The following CNBD1 variants were observed in gnomAD, a reference collection of about 807,000 sequenced individuals.
CNBD1 encodes cyclic nucleotide binding domain containing 1, also known as cyclic nucleotide-binding domain-containing protein 1.
In CNBD1, 71 loss-of-function variants were observed where a neutral mutation model predicts 54.4. The ratio of observed to expected loss-of-function variants is 1.30; its 90% CI spans 1.08 to 1.59. The LOEUF is 1.59. Among genes scored for constraint, CNBD1 ranks in the 40% most tolerant of loss-of-function variants. CNBD1 has a pLI of 0.00. For synonymous variants in CNBD1, 182 were observed against 170.7 expected (o/e 1.07, Z -0.51); for missense variants, 659 against 518.0 (o/e 1.27, Z -2.64).
chr8:87,244,270 T>G (rs192879611), intron 6 of CNBD1, among the ~76,000 whole-genome samples: 13 of 152,232 alleles, frequency 8.5e-5, no homozygotes, highest in African/African-American at 2.4e-4. Flanking sequence ...TGATAAACCT[T>G]TCCAAAGGTG....
At position 87,153,868 on chromosome 8, in the gene CNBD1, A is replaced by G. The variant is rs539733752; in HGVS notation, c.432-52125A>G. 1.4e-4 allele frequency among the ~76,000 whole-genome samples: 22 copies of G among 152,346 alleles called. 1 individual carries two copies. The South Asian group carries it at 4.6e-3, about 32-fold the overall frequency. ...TTGGGAGACCGTAGAACAAAAGTGC[A>G]TGAAAAATAAGTAAGGTGGTTAAGT... On this transcript the variant is annotated intron_variant, in intron 4 of 10. Transcript: ENST00000518476.
In CNBD1 at chr8:86,908,914, C is replaced by T. The variant is rs558807833; in HGVS notation, c.272+3720C>T. 8.5e-4 allele frequency among the ~76,000 whole-genome samples: 129 copies of T among 151,822 alleles called. 3 individuals carry two copies. Among genetic ancestry groups the T allele is most frequent in the Admixed American group, 1.5e-3 (23 of 15,206 alleles). On this transcript the variant is annotated intron_variant, in intron 3 of 10. Coordinates refer to ENST00000518476, the MANE Select transcript of CNBD1 (RefSeq NM_173538.3). ...CTGGGACTACAGGCACCCGCCACTA[C>T]GCCCAGCTAATTTTTGTATTTTTAG...
At chr8:87,011,263 A>G (rs1809215961) in intron 4 of CNBD1, among the ~76,000 whole-genome samples, 1 of 149,144 alleles carries the variant, frequency 6.7e-6, no homozygotes, top group African/African-American at 2.5e-5. Flanking sequence ...CTTAGATTGT[A>G]TCCTCTTAGG....
intron 8 of CNBD1, among the ~76,000 whole-genome samples, chr8:87,305,543 G>A (rs140320256): frequency 1.3e-5 from 2 of 152,026 alleles, no homozygotes. Context: ...GCATGGGATT[G>A]GTATAAAAAT....
intron 1 of CNBD1, among the ~76,000 whole-genome samples, chr8:86,876,182 TTTG>T (rs1554627001): frequency 1.7e-5 from 1 of 58,866 alleles, no homozygotes; most frequent in Non-Finnish European, 3.0e-5. Flanking sequence ...TGTGTGTGTG[TTTG>T]TGTGTGTGTG....
chr8:87,292,901 G>T (rs1255957738), intron 8 of CNBD1, among the ~76,000 whole-genome samples: 1 of 152,064 alleles, frequency 6.6e-6, no homozygotes, highest in Non-Finnish European at 1.5e-5. Flanking sequence ...GCTCTGTGTT[G>T]TGAGTGGGCA....
At chr8:87,126,651 A>G (rs997410810) in intron 4 of CNBD1, among the ~76,000 whole-genome samples, 2 of 151,934 alleles carry the variant, frequency 1.3e-5, no homozygotes, top group African/African-American at 4.8e-5. Flanking sequence ...TTAAATTTTG[A>G]TGAAGTTTAA....
chr8:87,038,859 A>T (rs1197964009), intron 4 of CNBD1, among the ~76,000 whole-genome samples: 1 of 152,102 alleles, frequency 6.6e-6, no homozygotes, highest in South Asian at 2.1e-4. Context: ...CACTGTTGTA[A>T]TTTTTGCAAA....
chr8:87,241,841 G>A (rs780014755), intron 6 of CNBD1, among the ~76,000 whole-genome samples: 14 of 152,102 alleles, frequency 9.2e-5, no homozygotes, highest in Non-Finnish European at 1.9e-4. Flanking sequence ...GGTAAGATAA[G>A]AAAAGGCAAT....
At chr8:87,240,099 C>G (rs1047194369) in intron 6 of CNBD1, among the ~76,000 whole-genome samples, 1 of 131,662 alleles carries the variant, frequency 7.6e-6, no homozygotes, top group Non-Finnish European at 1.8e-5. Flanking sequence ...CACACACACA[C>G]ACACAGACAC....
chr8:87,116,953 T>A (rs1356247348), intron 4 of CNBD1, among the ~76,000 whole-genome samples: 1 of 152,230 alleles, frequency 6.6e-6, no homozygotes, highest in Non-Finnish European at 1.5e-5. Context: ...TTACTCTTTC[T>A]GTTTTTCTTA....
chr8:87,056,796 A>T (rs1296947697), intron 4 of CNBD1, among the ~76,000 whole-genome samples: 1 of 152,194 alleles, frequency 6.6e-6, no homozygotes, highest in African/African-American at 2.4e-5. Flanking sequence ...ATTAAAATAT[A>T]TAAAATTTGA....
At position 87,182,428 on chromosome 8, in the gene CNBD1, T is replaced by C. The variant is rs556129958; in HGVS notation, c.432-23565T>C. 5.9e-5 allele frequency among the ~76,000 whole-genome samples: 9 copies of C among 152,312 alleles called. No homozygotes were observed. Among genetic ancestry groups the C allele is most frequent in the Non-Finnish European group, 4.4e-5 (3 of 68,016 alleles). On this transcript the variant is annotated intron_variant, in intron 4 of 10. Transcript: ENST00000518476. The surrounding 1 kb of genome is among the most constrained non-coding windows in gnomAD (Gnocchi z 4.1). The stretch of plus-strand genomic sequence containing the variant: ...TATATCTAATAATGGAATTACTGGG[T>C]TGAATGATAATTCTGTTTTAGTTTC...
At chr8:87,375,222 A>G (rs548489944) in intron 10 of CNBD1, among the ~76,000 whole-genome samples, 1 of 151,796 alleles carries the variant, frequency 6.6e-6, no homozygotes, top group Admixed American at 6.6e-5. Context: ...GCACTTTCAC[A>G]ATCTCTGACA....
chr8:87,116,121 A>G (rs1033009513), intron 4 of CNBD1, among the ~76,000 whole-genome samples: 2 of 150,896 alleles, frequency 1.3e-5, no homozygotes, highest in Admixed American at 6.6e-5. Context: ...TAAACCTACA[A>G]ATTTTGTCCT....
intron 10 of CNBD1, among the ~76,000 whole-genome samples, chr8:87,380,668 T>C (rs534711137): frequency 7.4e-4 from 110 of 148,964 alleles, no homozygotes; most frequent in South Asian, 3.9e-3. Flanking sequence ...TCTTTTCATT[T>C]GTTTGTGTTC....
Position 87,406,479 on chromosome 8 carries a change from C to CACT in CNBD1, c.214-22067_214-22066insACT, listed in dbSNP as rs1462159200. On this transcript the variant is annotated intron_variant, in intron 2 of 7. Transcript: ENST00000521593. ...ACACACACACACACACACACACACA[C>CACT]TTTTTTTTTTTTTTTTTTGAGACAG... Among the ~76,000 whole-genome samples the CACT allele has an allele frequency of 3.3e-3, 276 of 82,720 alleles. 2 individuals are homozygous for CACT. Among genetic ancestry groups the CACT allele is most frequent in the African/African-American group, 0.014 (256 of 18,618 alleles). The allele number at this position is 82,720 out of a possible 152,430, so 54.3% of individuals were successfully genotyped here.
chr8:87,282,560 A>G (rs1046290043), intron 6 of CNBD1, among the ~76,000 whole-genome samples: 3 of 151,886 alleles, frequency 2.0e-5, no homozygotes, highest in African/African-American at 4.8e-5. Context: ...TACAGAACAA[A>G]ATGGAAAATT....
rs550330159 is a variant in CNBD1 at position 87,406,946 on chromosome 8, G to A, written c.214-21600G>A. 1.0e-3 allele frequency among the ~76,000 whole-genome samples: 157 copies of A among 152,162 alleles called. 2 individuals are homozygous for A. In the South Asian group the frequency reaches 0.011, roughly 10 times the overall value. ...AAAGTATTTTGTAATTTACTCTGGA[G>A]GAAGTTATCCTTTATAGTTTTAATT... On this transcript the variant is annotated intron_variant, in intron 2 of 7. Transcript: ENST00000521593.
Sources: allele counts gnomAD v4.1 joint callset (sites outside exome capture counted in the v4.1 genomes callset), GRCh38; gene constraint gnomAD v4.1.1; non-coding constraint Gnocchi (gnomAD v3.1); transcripts MANE v1.5; gene names NCBI Gene and HGNC (gene_info 2026-07-23, HGNC 2026-07-21).